INMT: variants seen among roughly 807,000 people sequenced by gnomAD.
INMT encodes indolethylamine N-methyltransferase, also known as amine N-methyltransferase.
INMT carries 11 observed loss-of-function variants against 11.5 expected under a neutral mutation model. That is an observed-to-expected ratio of 0.95 (90% CI 0.60 to 1.58). The LOEUF (loss-of-function observed/expected upper bound fraction) is 1.58. INMT is among the 40% of genes most tolerant of loss of function. The pLI is 0.00. For synonymous variants in INMT, 155 were observed against 142.9 expected, an observed-to-expected ratio of 1.08 and a Z score of -0.60; for missense variants, 316 against 336.1, an observed-to-expected ratio of 0.94 and a Z score of 0.47.
intron 1 of INMT, 50 bp downstream of exon 1, chr7:30,752,354 A>G (rs1233146351): frequency 6.8e-7 from 1 of 1,478,438 alleles, no homozygotes; most frequent in Admixed American, 1.7e-5. Context: ...AGGAACCTGG[A>G]TGGGGATGGG....
chr7:30,753,722 C>G lies in INMT; in HGVS notation c.155-9C>G. 6.2e-7 allele frequency: 1 copy of G among 1,613,510 alleles called. No individual in the cohort carries two copies. Among genetic ancestry groups the G allele is most frequent in the Non-Finnish European group, 8.5e-7 (1 of 1,179,438 alleles). On this transcript the variant is annotated splice_polypyrimidine_tract_variant and intron_variant, in intron 1 of 2. Coordinates refer to ENST00000013222, the MANE Select transcript of INMT (RefSeq NM_006774.5). ...TTACCCATCCATTACCAGTCTTTCCCTCCCACAGGAGGCCTCCAAGGGGAC... is the reference window on the plus strand; with the variant it reads ...TTACCCATCCATTACCAGTCTTTCCGTCCCACAGGAGGCCTCCAAGGGGAC...
rs1381850651 is a variant in INMT, at chr7:30,755,301, G to C, written c.363-121G>C. 4.7e-6 allele frequency: 4 copies of C among 853,912 alleles called. No homozygotes were observed. In the East Asian group the frequency reaches 1.1e-4, roughly 23 times the overall value. The allele number at this position is 853,912 out of a possible 1,614,324, so 52.9% of individuals were successfully genotyped here. On this transcript the variant is annotated intron_variant, in intron 2 of 2. Transcript: ENST00000013222. ...AAGAGCCTGCTGTCAGGTCACACAGGGACTCAGGGACAGCAATCCTTTGGG... is the reference window on the plus strand; with the variant it reads ...AAGAGCCTGCTGTCAGGTCACACAGCGACTCAGGGACAGCAATCCTTTGGG...
Position 30,753,915 on chromosome 7 carries a change from C to G in INMT, c.339C>G (p.Phe113Leu). 2 of 1,613,994 alleles carry G rather than the reference C, an allele frequency of 1.2e-6. No individual in the cohort carries two copies. Among genetic ancestry groups the G allele is most frequent in the Non-Finnish European group, 1.7e-6 (2 of 1,179,984 alleles). ...ATGACTGGACCCCAGCGGTGAAATT[C>G]GCCTGTGAGCTGGAAGGAAACAGGT... ...GAYDWTPAVK[F>L]ACELEGNSGR... Residue 113 changes from phenylalanine to leucine, a missense_variant, in exon 2 of 3, where the codon TTC becomes TTG. Physicochemically the swap from Phe to Leu is conservative, Grantham distance 22. Coordinates refer to ENST00000013222, the MANE Select transcript of INMT (RefSeq NM_006774.5).
At position 30,755,719 on chromosome 7, in the gene INMT, G is replaced by A. The variant is rs1241877991; in HGVS notation, c.660G>A (p.Glu220=). ...CCTGCGTGGCCCTGGAGAAAGAGGAGGTGGAGCAGGCTGTCCTGGATGCTG... is the reference window on the plus strand; with the variant it reads ...CCTGCGTGGCCCTGGAGAAAGAGGAAGTGGAGCAGGCTGTCCTGGATGCTG... ...EFSCVALEKE[E]VEQAVLDAGF... The change falls in exon 3 of 3, where the codon GAG becomes GAA. Residue 220 remains glutamate (E), a synonymous_variant. Coordinates refer to ENST00000013222, the MANE Select transcript of INMT (RefSeq NM_006774.5). 4 of 1,614,138 alleles carry A rather than the reference G, an allele frequency of 2.5e-6. No homozygotes were observed. Among genetic ancestry groups the A allele is most frequent in the Non-Finnish European group, 3.4e-6 (4 of 1,180,048 alleles).
chr7:30,755,733 T>C lies in INMT; in HGVS notation c.674T>C (p.Val225Ala). 1 of 1,614,210 alleles carries C rather than the reference T, an allele frequency of 6.2e-7. No individual in the cohort carries two copies. The highest frequency in any genetic ancestry group is 8.5e-7 in the Non-Finnish European group (1 of 1,180,024). ...GAGAAAGAGGAGGTGGAGCAGGCTG[T>C]CCTGGATGCTGGCTTTGACATTGAA... ...ALEKEEVEQA[V>A]LDAGFDIEQL... The change falls in exon 3 of 3, where the codon GTC becomes GCC. Residue 225 changes from valine to alanine, a missense_variant. Val to Ala is a moderately conservative substitution (Grantham distance 64, BLOSUM62 0). Coordinates refer to ENST00000013222, the MANE Select transcript of INMT (RefSeq NM_006774.5).
At chr7:30,752,351 TGGATGG>T in intron 1 of INMT, 47 bp downstream of exon 1, 1 of 1,509,306 alleles carries the variant, frequency 6.6e-7, no homozygotes, top group South Asian at 1.1e-5. Context: ...CCAAGGAACC[TGGATGG>T]GGATGGGGAG....
At chr7:30,753,415 ATAT>A (rs1325398836) in intron 1 of INMT, among the ~76,000 whole-genome samples, 1 of 152,212 alleles carries the variant, frequency 6.6e-6, no homozygotes, top group Non-Finnish European at 1.5e-5. Flanking sequence ...TGTCCCAGAA[ATAT>A]TATACTCTTG....
chr7:30,752,192 C>A lies in INMT; in HGVS notation c.42C>A (p.His14Gln). 6.2e-7 allele frequency: 1 copy of A among 1,614,082 alleles called. No homozygotes were observed. The highest frequency in any genetic ancestry group is 8.5e-7 in the Non-Finnish European group (1 of 1,179,990). ...GFTGGDEYQK[H>Q]FLPRDYLATY... ...CTGGGGGTGATGAGTACCAGAAGCACTTCCTGCCCAGGGACTACTTGGCTA... is the reference window on the plus strand; with the variant it reads ...CTGGGGGTGATGAGTACCAGAAGCAATTCCTGCCCAGGGACTACTTGGCTA... The change falls in exon 1 of 3, where the codon CAC becomes CAA. Residue 14 changes from histidine to glutamine, a missense_variant. Coordinates refer to ENST00000013222, the MANE Select transcript of INMT (RefSeq NM_006774.5).
rs1786170296 is a variant in INMT, at chr7:30,754,351, ACCCACCCATCCATAT to A, written c.362+416_362+430del. 3.3e-5 allele frequency among the ~76,000 whole-genome samples: 5 copies of A among 150,436 alleles called. 1 individual carries two copies. The South Asian group carries it at 1.1e-3, about 32-fold the overall frequency. ...TCCATCCATCCATATTCATGCATCC[ACCCACCCATCCATAT>A]CCATCCATCCATCCAGCCAGCCAAC... On this transcript the variant is annotated intron_variant, in intron 2 of 2. Coordinates refer to ENST00000013222, the MANE Select transcript of INMT (RefSeq NM_006774.5). This position sits in a 1 kb window ranked among gnomAD's most constrained non-coding sequence, Gnocchi z 4.9.
chr7:30,756,804 A>T lies in INMT; in HGVS notation c.*953A>T, dbSNP rs897276747. 1.3e-5 allele frequency: 2 copies of T among 152,288 alleles called. No individual in the cohort carries two copies. The highest frequency in any genetic ancestry group is 4.8e-5 in the African/African-American group (2 of 41,456). 9.4% of individuals were successfully genotyped at this position (152,288 alleles called of 1,614,324 possible). A position where few individuals can be genotyped will look rare whatever the true frequency, so the allele number is the denominator to read the frequency against. ...AAATACTCCCACCATGGTTGATTTC[A>T]AGCCACCAGTGGTTTAATAACCAGC... On this transcript the variant is annotated 3_prime_UTR_variant, in exon 3 of 3. Transcript: ENST00000013222.
Position 30,755,410 on chromosome 7 carries a change from C to T in INMT, c.363-12C>T. 6.4e-7 allele frequency: 1 copy of T among 1,573,626 alleles called. No individual in the cohort carries two copies. The highest frequency in any genetic ancestry group is 8.6e-7 in the Non-Finnish European group (1 of 1,167,114). On this transcript the variant is annotated splice_polypyrimidine_tract_variant and intron_variant, in intron 2 of 2. Coordinates refer to ENST00000013222, the MANE Select transcript of INMT (RefSeq NM_006774.5). ...TCAAAGGGCCTCCCCGACTCCCTCT[C>T]TCTCTCTGCAGCGGCCGATGGGAGG...
chr7:30,752,947 G>A (rs1786123717), intron 1 of INMT, among the ~76,000 whole-genome samples: 1 of 152,196 alleles, frequency 6.6e-6, no homozygotes, highest in South Asian at 2.1e-4. Context: ...TTAGGCACTT[G>A]ACTGGGGAAC....
intron 1 of INMT, 23 bp from the exon 2 acceptor site, chr7:30,753,708 T>C (rs747727229): frequency 6.2e-7 from 1 of 1,607,968 alleles, no homozygotes; most frequent in Non-Finnish European, 8.5e-7. Context: ...TACCCATCCA[T>C]TACCAGTCTT....
At position 30,754,035 on chromosome 7, in the gene INMT, A is replaced by T; in HGVS notation, c.362+97A>T. The T allele has an allele frequency of 8.2e-7, 1 of 1,220,722 alleles. No individual in the cohort carries two copies. Among genetic ancestry groups the T allele is most frequent in the Non-Finnish European group, 1.2e-6 (1 of 855,674 alleles). 75.6% of individuals were successfully genotyped at this position (1,220,722 alleles called of 1,614,324 possible). A position where few individuals can be genotyped will look rare whatever the true frequency, so the allele number is the denominator to read the frequency against. On this transcript the variant is annotated intron_variant, in intron 2 of 2. Transcript: ENST00000013222. The surrounding 1 kb of genome is among the most constrained non-coding windows in gnomAD (Gnocchi z 4.9). ...TTGTCTCTGACATTTTCAGGACAGT[A>T]GGACCTTCAGGTATAGGACCAGATG...
At position 30,752,198 on chromosome 7, in the gene INMT, G is replaced by A; in HGVS notation, c.48G>A (p.Leu16=). ...TGGDEYQKHF[L]PRDYLATYYS... is the part of the protein sequence containing the mutation. ...GTGATGAGTACCAGAAGCACTTCCT[G>A]CCCAGGGACTACTTGGCTACTTACT... Residue 16 remains leucine (L), a synonymous_variant, in exon 1 of 3, where the codon CTG becomes CTA. Coordinates refer to ENST00000013222, the MANE Select transcript of INMT (RefSeq NM_006774.5). The A allele has an allele frequency of 6.2e-7, 1 of 1,614,092 alleles. No individual in the cohort carries two copies. Among genetic ancestry groups the A allele is most frequent in the Non-Finnish European group, 8.5e-7 (1 of 1,179,980 alleles).
intron 1 of INMT, 31 bp downstream of exon 1, chr7:30,752,335 C>A: frequency 1.3e-6 from 2 of 1,586,162 alleles, no homozygotes; most frequent in Non-Finnish European, 1.7e-6. Flanking sequence ...CCCCTTGAGC[C>A]TCTCTCCAAG....
chr7:30,755,915 G>T lies in INMT; in HGVS notation c.*64G>T. On this transcript the variant is annotated 3_prime_UTR_variant, in exon 3 of 3. Transcript: ENST00000013222. ...GCCTTGGCCATCTGTATGCTAGAGAGGGGTGAGGAATGGATACTGTCTAAC... is the reference window on the plus strand; with the variant it reads ...GCCTTGGCCATCTGTATGCTAGAGATGGGTGAGGAATGGATACTGTCTAAC... The T allele has an allele frequency of 6.5e-7, 1 of 1,536,224 alleles. No individual in the cohort carries two copies. The highest frequency in any genetic ancestry group is 1.9e-5 in the Admixed American group (1 of 52,118).
rs6970815 is a variant in INMT at position 30,756,227 on chromosome 7, A to G, written c.*376A>G. On this transcript the variant is annotated 3_prime_UTR_variant, in exon 3 of 3. Transcript: ENST00000013222. ...GACAAGGAAACCTCTGGACAGTGGT[A>G]TATTGGGGAATTTTTTTTTTTTTTT... The G allele has an allele frequency of 8.3e-3, 8,208 of 990,402 alleles. 520 individuals carry two copies. The African/African-American group carries it at 0.14, about 16-fold the overall frequency. 61.4% of individuals were successfully genotyped at this position (990,402 alleles called of 1,614,324 possible).
Position 30,754,319 on chromosome 7 carries a change from C to G in INMT, c.362+381C>G, listed in dbSNP as rs1005302832. On this transcript the variant is annotated intron_variant, in intron 2 of 2. Transcript: ENST00000013222. This position sits in a 1 kb window ranked among gnomAD's most constrained non-coding sequence, Gnocchi z 4.9. ...CCCACCGGTTCATCCATTCATCCATCCATCCATCCATCCATCCATATTCAT... is the reference window on the plus strand; with the variant it reads ...CCCACCGGTTCATCCATTCATCCATGCATCCATCCATCCATCCATATTCAT... Among the ~76,000 whole-genome samples the G allele has an allele frequency of 1.2e-4, 18 of 151,990 alleles. No individual in the cohort carries two copies. The highest frequency in any genetic ancestry group is 3.9e-4 in the African/African-American group (16 of 41,370).
Sources: allele counts gnomAD v4.1 joint callset (sites outside exome capture counted in the v4.1 genomes callset), GRCh38; gene constraint gnomAD v4.1.1; non-coding constraint Gnocchi (gnomAD v3.1); transcripts MANE v1.5; gene names NCBI Gene and HGNC (gene_info 2026-07-23, HGNC 2026-07-21).